The following TMEM143 variants were observed in gnomAD, a reference collection of about 807,000 sequenced individuals.
The protein encoded by TMEM143 is transmembrane protein 143.
In TMEM143, 45 loss-of-function variants were observed where a neutral mutation model predicts 40.3. The ratio of observed to expected loss-of-function variants is 1.12; its 90% CI spans 0.88 to 1.43. The LOEUF (loss-of-function observed/expected upper bound fraction) is 1.43, where lower values mean the gene tolerates loss of function less well. Among genes scored for constraint, TMEM143 ranks in the 40% most tolerant of loss-of-function variants. The pLI is 0.00. For synonymous variants in TMEM143, 299 were observed against 282.7 expected, an observed-to-expected ratio of 1.06 and a Z score of -0.58; for missense variants, 620 against 613.4, an observed-to-expected ratio of 1.01 and a Z score of -0.11.
rs748205141 is a variant in TMEM143, at chr19:48,363,905, A to G, written c.16T>C (p.Trp6Arg). Residue 6 changes from tryptophan to arginine, a missense_variant, in exon 1 of 8, where the codon TGG becomes CGG. Transcript: ENST00000293261. Reference protein sequence around the residue: MTVELWLRLRGKGLAM... With the variant: MTVELRLRLRGKGLAM... ...CCCCGATTTCTCCCTCACCTTAGCC[A>G]AAGCTCGACTGTCATTGAGCCTCCT... 7.7e-5 allele frequency: 125 copies of G among 1,613,740 alleles called. No individual in the cohort carries two copies. The highest frequency in any genetic ancestry group is 1.0e-4 in the Non-Finnish European group (120 of 1,179,862).
chr19:48,340,426 G>A (rs1176036726), intron 6 of TMEM143, among the ~76,000 whole-genome samples: 2 of 151,836 alleles, frequency 1.3e-5, no homozygotes, highest in Admixed American at 1.3e-4. Flanking sequence ...CGCCTGGCTG[G>A]GCTTTTTTAT....
intron 6 of TMEM143, among the ~76,000 whole-genome samples, chr19:48,341,083 C>T (rs1221723797): frequency 6.6e-6 from 1 of 152,248 alleles, no homozygotes; most frequent in Non-Finnish European, 1.5e-5. Context: ...AGCCTGTCAG[C>T]ATGGCTGAAA....
chr19:48,360,202 T>C, intron 2 of TMEM143, 26 bp from the exon 3 acceptor site: 11 of 1,604,542 alleles, frequency 6.9e-6, no homozygotes, highest in Non-Finnish European at 9.4e-6. Context: ...GCAAAACTTC[T>C]CTGTAGGCCT....
At chr19:48,350,952 C>T (rs1969756338) in intron 3 of TMEM143, among the ~76,000 whole-genome samples, 1 of 142,032 alleles carries the variant, frequency 7.0e-6, no homozygotes, top group Non-Finnish European at 1.5e-5. Context: ...AAAAGAATGA[C>T]TTAATTGGGT....
At chr19:48,357,651 C>T (rs147288730) in intron 3 of TMEM143, among the ~76,000 whole-genome samples, 1,913 of 152,192 alleles carry the variant, frequency 0.013, 41 homozygotes, top group African/African-American at 0.044. Context: ...CCACCACGCC[C>T]GGCCTCAAGT....
At chr19:48,353,249 G>A (rs1355260014) in intron 3 of TMEM143, among the ~76,000 whole-genome samples, 7 of 149,954 alleles carry the variant, frequency 4.7e-5, no homozygotes, top group East Asian at 2.0e-4. Context: ...GTGTGATCTC[G>A]GCTCACTGCA....
chr19:48,353,268 C>T (rs1569034414), intron 3 of TMEM143, among the ~76,000 whole-genome samples: 1 of 150,842 alleles, frequency 6.6e-6, no homozygotes, highest in Non-Finnish European at 1.5e-5. Flanking sequence ...CAACCTCTGC[C>T]TCCTGGGTGC....
At chr19:48,345,445 C>CATTCATTT in intron 3 of TMEM143, 91 bp from the exon 4 acceptor site, 2 of 640,678 alleles carry the variant, frequency 3.1e-6, no homozygotes, top group African/African-American at 2.1e-5. Flanking sequence ...CAGATACTTT[C>CATTCATTT]ATTTATTTAT....
chr19:48,344,169 G>T (rs936211738), intron 4 of TMEM143, among the ~76,000 whole-genome samples: 1 of 152,082 alleles, frequency 6.6e-6, no homozygotes, highest in Non-Finnish European at 1.5e-5. Flanking sequence ...TTATAGGTGT[G>T]AGCCACTGCA....
intron 6 of TMEM143, 95 bp downstream of exon 6, chr19:48,342,435 C>T (rs1017480702): frequency 6.3e-6 from 9 of 1,436,982 alleles, no homozygotes; most frequent in African/African-American, 4.2e-5. Flanking sequence ...GAGAGCATGA[C>T]GCAGGAACAA....
intron 6 of TMEM143, among the ~76,000 whole-genome samples, 158 bp from the exon 7 acceptor site, chr19:48,334,355 T>A (rs1349167784): frequency 6.6e-6 from 1 of 152,224 alleles, no homozygotes; most frequent in Non-Finnish European, 1.5e-5. Context: ...TCCCCAGAGC[T>A]CAGTCGAGGG....
At position 48,334,298 on chromosome 19, in the gene TMEM143, TC is replaced by T. The variant is rs535617308; in HGVS notation, c.976-102del. The stretch of plus-strand genomic sequence containing the variant: ...CGCTGGCACGGCCCACGCCGCTTAC[TC>T]CCCTGAGGAGGCGGGGAGGTCCTAC... On this transcript the variant is annotated intron_variant, in intron 6 of 7. Coordinates refer to ENST00000293261, the MANE Select transcript of TMEM143 (RefSeq NM_018273.4). 499 of 1,308,094 alleles carry T rather than the reference TC, an allele frequency of 3.8e-4. 2 individuals carry two copies. In the African/African-American group the frequency reaches 6.5e-3, roughly 17 times the overall value. The allele number at this position is 1,308,094 out of a possible 1,614,324, so 81.0% of individuals were successfully genotyped here. A position where few individuals can be genotyped will look rare whatever the true frequency, so the allele number is the denominator to read the frequency against.
chr19:48,360,165 C>A lies in TMEM143; in HGVS notation c.276G>T (p.Ser92=). Residue 92 remains serine, a synonymous_variant, in exon 3 of 8, where the codon TCG becomes TCT. Coordinates refer to ENST00000293261, the MANE Select transcript of TMEM143 (RefSeq NM_018273.4). ...CCAAAGCCGCCTTCTCTGCCGGACT[C>A]GAGTGGAATTCCTGTTACCTCAGGA... ...LLRLLIQEFH[S]SPAEKAALEA... 6.2e-7 allele frequency: 1 copy of A among 1,614,070 alleles called. No homozygotes were observed. The highest frequency in any genetic ancestry group is 8.5e-7 in the Non-Finnish European group (1 of 1,179,980).
chr19:48,346,731 C>A (rs559242460), intron 3 of TMEM143, among the ~76,000 whole-genome samples: 3 of 152,010 alleles, frequency 2.0e-5, no homozygotes, highest in African/African-American at 7.2e-5. Context: ...GTGCCCACCA[C>A]CACGCCTGGC....
intron 6 of TMEM143, among the ~76,000 whole-genome samples, chr19:48,334,430 C>CTT (rs751382106): frequency 3.3e-4 from 13 of 39,438 alleles, no homozygotes; most frequent in African/African-American, 1.7e-3. Context: ...TTCTTTCTTT[C>CTT]TTTCTTTCTT....
rs554752218 is a variant in TMEM143, at chr19:48,334,493, T to G, written c.976-296A>C. ...TTCTTTCTTTCTTTTTCTTTCTTTCTTTCGTTCTTTCTTTCTTTTCTTTCT... is the reference window on the plus strand; with the variant it reads ...TTCTTTCTTTCTTTTTCTTTCTTTCGTTCGTTCTTTCTTTCTTTTCTTTCT... On this transcript the variant is annotated intron_variant, in intron 6 of 7. Coordinates refer to ENST00000293261, the MANE Select transcript of TMEM143 (RefSeq NM_018273.4). Among the ~76,000 whole-genome samples, 85 of 143,500 alleles carry G rather than the reference T, an allele frequency of 5.9e-4. No individual in the cohort carries two copies. In the East Asian group the frequency reaches 0.015, roughly 25 times the overall value. The allele number at this position is 143,500 out of a possible 152,430, so 94.1% of individuals were successfully genotyped here.
chr19:48,333,205 G>C lies in TMEM143; in HGVS notation c.*14C>G. 1 of 1,436,402 alleles carries C rather than the reference G, an allele frequency of 7.0e-7. No homozygotes were observed. The highest frequency in any genetic ancestry group is 1.4e-5 in the African/African-American group (1 of 70,498). The allele number at this position is 1,436,402 out of a possible 1,614,324, so 89.0% of individuals were successfully genotyped here. A position where few individuals can be genotyped will look rare whatever the true frequency, so the allele number is the denominator to read the frequency against. ...GTTCCTAGCCTGCTGACTGGGCAGG[G>C]AGGTAGGTTCTACTCAGGAGATGTT... is the stretch of plus-strand genomic sequence containing the variant. On this transcript the variant is annotated 3_prime_UTR_variant, in exon 8 of 8. Coordinates refer to ENST00000293261, the MANE Select transcript of TMEM143 (RefSeq NM_018273.4). This position sits in a 1 kb window ranked among gnomAD's most constrained non-coding sequence, Gnocchi z 4.1.
chr19:48,354,544 C>T (rs184167180), intron 3 of TMEM143, among the ~76,000 whole-genome samples: 102 of 152,236 alleles, frequency 6.7e-4, no homozygotes, highest in Non-Finnish European at 1.3e-3. Context: ...GAATAACAAG[C>T]GTGAGTCACT....
At chr19:48,361,715 G>C (rs1423088937) in intron 2 of TMEM143, among the ~76,000 whole-genome samples, 2 of 151,370 alleles carry the variant, frequency 1.3e-5, no homozygotes, top group Non-Finnish European at 2.9e-5. Context: ...ATTTTTAGTA[G>C]AGACGGTTTC....
Sources: allele counts gnomAD v4.1 joint callset (sites outside exome capture counted in the v4.1 genomes callset), GRCh38; gene constraint gnomAD v4.1.1; non-coding constraint Gnocchi (gnomAD v3.1); transcripts MANE v1.5; gene names NCBI Gene and HGNC (gene_info 2026-07-23, HGNC 2026-07-21).